The following FAM13A variants were observed in gnomAD, a reference collection of about 807,000 sequenced individuals.
The protein encoded by FAM13A is family with sequence similarity 13 member A, also known as protein FAM13A.
FAM13A carries 76 observed loss-of-function variants against 129.6 expected under a neutral mutation model. That is an observed-to-expected ratio of 0.59 (90% CI 0.49 to 0.71). FAM13A has a LOEUF of 0.71. Ranked by LOEUF, FAM13A falls within the 30% of genes least tolerant of loss-of-function variation. The probability of loss-of-function intolerance (pLI) is 0.00; values close to 1 mark genes in which losing one functional copy is unlikely to be tolerated. For missense variants in FAM13A, 1,108 were observed against 1,249.3 expected (o/e 0.89, Z 1.70); for synonymous variants, 443 against 449.9 (o/e 0.98, Z 0.20).
chr4:88,958,130 A>G (rs908089661), intron 4 of FAM13A, among the ~76,000 whole-genome samples: 8 of 152,020 alleles, frequency 5.3e-5, no homozygotes, highest in African/African-American at 1.7e-4. Context: ...ACCACTTGCT[A>G]GAGAAATTTG....
At chr4:88,848,158 A>C (rs1443317670) in intron 7 of FAM13A, among the ~76,000 whole-genome samples, 1 of 152,136 alleles carries the variant, frequency 6.6e-6, no homozygotes, top group African/African-American at 2.4e-5. Flanking sequence ...ACTGTTCCTC[A>C]TTGGCCAAGG....
intron 5 of FAM13A, among the ~76,000 whole-genome samples, chr4:88,919,725 C>T (rs927244491): frequency 4.5e-4 from 69 of 152,250 alleles, no homozygotes; most frequent in Admixed American, 2.5e-3. Flanking sequence ...ACACCATGCG[C>T]GAGCTGAAGC....
At position 88,934,082 on chromosome 4, in the gene FAM13A, C is replaced by A. The variant is rs150685036; in HGVS notation, c.759+4006G>T. On this transcript the variant is annotated intron_variant, in intron 5 of 23. Coordinates refer to ENST00000264344, the MANE Select transcript of FAM13A (RefSeq NM_014883.4). The stretch of plus-strand genomic sequence containing the variant: ...TGCTCTTCTCCTTGCCTGGAATACT[C>A]TTCTCTCAAGTGTCTTCATGGCTTG... Among the ~76,000 whole-genome samples, 201 of 152,236 alleles carry A rather than the reference C, an allele frequency of 1.3e-3. 1 individual carries two copies. Among genetic ancestry groups the A allele is most frequent in the African/African-American group, 4.5e-3 (189 of 41,542 alleles).
intron 7 of FAM13A, among the ~76,000 whole-genome samples, chr4:88,810,336 C>T (rs1245690242): frequency 6.6e-6 from 1 of 152,078 alleles, no homozygotes; most frequent in African/African-American, 2.4e-5. Context: ...ACCATAATCC[C>T]TCATACTTTA....
intron 4 of FAM13A, among the ~76,000 whole-genome samples, chr4:88,976,683 G>A (rs1760949747): frequency 4.8e-5 from 2 of 42,004 alleles, no homozygotes; most frequent in Non-Finnish European, 9.7e-5. Context: ...GTAGTGTACA[G>A]GAATGTCCCA....
intron 6 of FAM13A, among the ~76,000 whole-genome samples, chr4:88,896,480 A>T (rs1213733820): frequency 6.6e-6 from 1 of 152,224 alleles, no homozygotes; most frequent in Non-Finnish European, 1.5e-5. Context: ...ATATTAAAAA[A>T]ATTATATGGT....
chr4:89,002,668 A>G (rs1336717036), intron 3 of FAM13A, among the ~76,000 whole-genome samples: 2 of 152,162 alleles, frequency 1.3e-5, no homozygotes. Context: ...CCCTGATCCC[A>G]TTTACAAAAT....
At chr4:88,799,159 T>C (rs568518505) in intron 8 of FAM13A, among the ~76,000 whole-genome samples, 2 of 152,294 alleles carry the variant, frequency 1.3e-5, no homozygotes, top group East Asian at 1.9e-4. Context: ...GTCTTAAAAA[T>C]TGTATGACAA....
intron 16 of FAM13A, 75 bp downstream of exon 16, chr4:88,749,696 T>G: frequency 1.3e-6 from 2 of 1,517,836 alleles, no homozygotes; most frequent in South Asian, 1.2e-5. Context: ...CTTTCGTCGT[T>G]TCTTTGAGTT....
chr4:88,764,121 G>A (rs1560928078), intron 13 of FAM13A, among the ~76,000 whole-genome samples: 1 of 152,076 alleles, frequency 6.6e-6, no homozygotes, highest in Non-Finnish European at 1.5e-5. Flanking sequence ...TGATTGAAAA[G>A]CCTTGTCTCC....
intron 3 of FAM13A, among the ~76,000 whole-genome samples, chr4:89,003,296 A>G (rs374100666): frequency 6.9e-6 from 1 of 144,168 alleles, no homozygotes; most frequent in East Asian, 2.0e-4. Context: ...AAAAAAAAAA[A>G]CTGCATCAAG....
At chr4:88,882,600 GAA>G (rs61001135) in intron 6 of FAM13A, among the ~76,000 whole-genome samples, 3 of 137,130 alleles carry the variant, frequency 2.2e-5, no homozygotes, top group Admixed American at 7.2e-5. Flanking sequence ...AAACACAATG[GAA>G]AAAAAAAAAA....
chr4:88,945,850 A>G (rs913261448), intron 4 of FAM13A, among the ~76,000 whole-genome samples: 56 of 125,162 alleles, frequency 4.5e-4, no homozygotes, highest in South Asian at 7.6e-4. Flanking sequence ...GTGTGTGTGT[A>G]TATATATATA....
At chr4:88,807,710 T>C (rs550561780) in intron 7 of FAM13A, among the ~76,000 whole-genome samples, 1 of 152,306 alleles carries the variant, frequency 6.6e-6, no homozygotes, top group East Asian at 1.9e-4. Context: ...TACATCACCT[T>C]AGTCAAAGTC....
intron 2 of FAM13A, among the ~76,000 whole-genome samples, chr4:89,021,928 G>A (rs1460125887): frequency 6.6e-6 from 1 of 152,160 alleles, no homozygotes; most frequent in Non-Finnish European, 1.5e-5. Flanking sequence ...AGAGTAGCTG[G>A]TTTACGGCAG....
chr4:88,781,816 A>C (rs1377977632), intron 10 of FAM13A, among the ~76,000 whole-genome samples: 1 of 151,100 alleles, frequency 6.6e-6, no homozygotes, highest in Non-Finnish European at 1.5e-5. Context: ...CAGGAAGGGG[A>C]ACATCACAGT....
chr4:88,749,087 G>T, intron 16 of FAM13A, 54 bp from the exon 17 acceptor site: 1 of 1,292,454 alleles, frequency 7.7e-7, no homozygotes, highest in Non-Finnish European at 1.1e-6. Context: ...GGGAAAGTAA[G>T]AAGTGTTTGA....
chr4:88,955,244 A>G (rs1030916262), intron 4 of FAM13A, among the ~76,000 whole-genome samples: 1 of 152,158 alleles, frequency 6.6e-6, no homozygotes, highest in Non-Finnish European at 1.5e-5. Context: ...ATATTGTTAT[A>G]TTTCCCTTCA....
chr4:88,750,584 C>T lies in FAM13A; in HGVS notation c.1780G>A (p.Ala594Thr), dbSNP rs759088466. 7.4e-6 allele frequency: 12 copies of T among 1,614,012 alleles called. No individual in the cohort carries two copies. The Admixed American group carries it at 1.8e-4, about 25-fold the overall frequency. ...CGCCCAGCCTGCGGCGAGAGGTGGG[C>T]TTCATCAGAGTCACTGTTCTCCCGC... ...WQRENSDSDE[A>T]HLSPQAGRLI... is the part of the protein sequence containing the mutation. The change falls in exon 15 of 24, where the codon GCC (alanine) becomes ACC (threonine). Residue 594 changes from alanine to threonine, a missense_variant. Coordinates refer to ENST00000264344, the MANE Select transcript of FAM13A (RefSeq NM_014883.4).
Sources: gnomAD v4.1 joint callset for allele counts (sites outside exome capture counted in the v4.1 genomes callset) on GRCh38, gnomAD v4.1.1 for gene constraint, MANE v1.5 for transcripts, NCBI Gene and HGNC (gene_info 2026-07-23, HGNC 2026-07-21) for gene names.